ADRA1A: variants seen among roughly 807,000 people sequenced by gnomAD.
The protein encoded by ADRA1A is adrenoceptor alpha 1A.
In ADRA1A, 31 loss-of-function variants were observed where a neutral mutation model predicts 29.6. The ratio of observed to expected loss-of-function variants is 1.05; its 90% CI spans 0.79 to 1.41. The LOEUF is 1.41. ADRA1A is among the 40% of genes most tolerant of loss of function. ADRA1A has a pLI of 0.00. For missense variants in ADRA1A, 619 were observed against 601.1 expected, an observed-to-expected ratio of 1.03 and a Z score of -0.31; for synonymous variants, 311 against 254.3, an observed-to-expected ratio of 1.22 and a Z score of -2.12.
chr8:26,767,654 C>A (rs1805864555), downstream of ADRA1A, among the ~76,000 whole-genome samples: 1 of 152,102 alleles, frequency 6.6e-6, no homozygotes, highest in Admixed American at 6.5e-5. Context: ...GGCATTAGGG[C>A]CAGATTTCCT....
chr8:26,773,589 C>T lies in ADRA1A; in HGVS notation c.884-2923G>A, dbSNP rs115762800. Reference sequence around the variant, plus strand: ...GTAAATCAGCGAGGGAGGGGAGGGTCGTTTCCTTATTTGAAGAATTTCAAT... The same window carrying T: ...GTAAATCAGCGAGGGAGGGGAGGGTTGTTTCCTTATTTGAAGAATTTCAAT... On this transcript the variant is annotated intron_variant, in intron 2 of 2. Transcript: ENST00000380573. 2.1e-3 allele frequency among the ~76,000 whole-genome samples: 316 copies of T among 151,830 alleles called. 2 individuals carry two copies. The highest frequency in any genetic ancestry group is 7.4e-3 in the African/African-American group (305 of 41,374).
chr8:26,812,331 C>G (rs183575736), intron 2 of ADRA1A, among the ~76,000 whole-genome samples: 205 of 152,260 alleles, frequency 1.3e-3, no homozygotes, highest in Middle Eastern at 3.4e-3. Flanking sequence ...CTCATAACCA[C>G]TCAGAAAATT....
At chr8:26,795,218 A>G (rs929857406) in intron 2 of ADRA1A, among the ~76,000 whole-genome samples, 1 of 152,228 alleles carries the variant, frequency 6.6e-6, no homozygotes, top group Middle Eastern at 3.4e-3. Flanking sequence ...AAGAGACTGC[A>G]GTATCGTGTC....
chr8:26,809,721 A>G (rs1458496335), intron 2 of ADRA1A, among the ~76,000 whole-genome samples: 1 of 152,232 alleles, frequency 6.6e-6, no homozygotes, highest in Non-Finnish European at 1.5e-5. Flanking sequence ...TACAAATGGA[A>G]TGGTTTCTTC....
At position 26,805,634 on chromosome 8, in the gene ADRA1A, A is replaced by G. The variant is rs956909495; in HGVS notation, c.884-34968T>C. On this transcript the variant is annotated intron_variant, in intron 2 of 2. Transcript: ENST00000380573. This position sits in a 1 kb window ranked among gnomAD's most constrained non-coding sequence, Gnocchi z 4.8. ...CTTGCCCAAGGCCATGGAACAAGTG[A>G]GAGATGGAACTGGATTTGAACTCTG... is the stretch of plus-strand genomic sequence containing the variant. Among the ~76,000 whole-genome samples the G allele has an allele frequency of 2.0e-5, 3 of 152,210 alleles. No individual in the cohort carries two copies. The highest frequency in any genetic ancestry group is 7.2e-5 in the African/African-American group (3 of 41,460).
At chr8:26,755,716 A>G (rs953160174), downstream of ADRA1A, among the ~76,000 whole-genome samples, 1 of 152,138 alleles carries the variant, frequency 6.6e-6, no homozygotes, top group African/African-American at 2.4e-5. Flanking sequence ...CTGTATTACC[A>G]TCACAGGTGC....
chr8:26,767,762 G>C (rs371063530), downstream of ADRA1A, among the ~76,000 whole-genome samples: 2 of 151,656 alleles, frequency 1.3e-5, no homozygotes, highest in Non-Finnish European at 2.9e-5. Context: ...GAAGAAAAAC[G>C]ATAATCATTC....
chr8:26,792,089 G>A (rs948608953), intron 2 of ADRA1A, among the ~76,000 whole-genome samples: 2 of 152,090 alleles, frequency 1.3e-5, no homozygotes, highest in African/African-American at 2.4e-5. Context: ...GCTGGCTGAT[G>A]AATAAATGCC....
In ADRA1A at chr8:26,815,962, T is replaced by A. The variant is rs1038589675; in HGVS notation, c.884-45296A>T. ...GGGAGGGGGCGTGTCCAGGTGCTGC[T>A]GGTTGCTTTATCATGAGCCTTGAAA... is the stretch of plus-strand genomic sequence containing the variant. On this transcript the variant is annotated intron_variant, in intron 2 of 2. Coordinates refer to ENST00000380573, the MANE Select transcript of ADRA1A (RefSeq NM_000680.4). The surrounding 1 kb of genome is among the most constrained non-coding windows in gnomAD (Gnocchi z 4.2). 5.3e-5 allele frequency among the ~76,000 whole-genome samples: 8 copies of A among 152,188 alleles called. No individual in the cohort carries two copies. Among genetic ancestry groups the A allele is most frequent in the Admixed American group, 3.3e-4 (5 of 15,280 alleles).
chr8:26,797,547 C>T lies in ADRA1A; in HGVS notation c.884-26881G>A, dbSNP rs565162859. ...CTCCTGAACTCAAGTGATCCTCCAGCGTTGGCGTCCCAAAGTGCTGAGATT... is the reference window on the plus strand; with the variant it reads ...CTCCTGAACTCAAGTGATCCTCCAGTGTTGGCGTCCCAAAGTGCTGAGATT... On this transcript the variant is annotated intron_variant, in intron 2 of 2. Transcript: ENST00000380573. Among the ~76,000 whole-genome samples the T allele has an allele frequency of 2.1e-4, 32 of 152,168 alleles. No homozygotes were observed. The South Asian group carries it at 3.7e-3, about 18-fold the overall frequency.
At chr8:26,857,166 G>A (rs1394226868) in intron 2 of ADRA1A, among the ~76,000 whole-genome samples, 1 of 152,138 alleles carries the variant, frequency 6.6e-6, no homozygotes, top group Admixed American at 6.5e-5. Flanking sequence ...CTTTCTTGGG[G>A]GAGAGCTGCC....
chr8:26,755,390 AAG>A (rs1001211199), downstream of ADRA1A, among the ~76,000 whole-genome samples: 1 of 152,148 alleles, frequency 6.6e-6, no homozygotes, highest in African/African-American at 2.4e-5. Flanking sequence ...GCTTAAAAAA[AAG>A]AGTGAGAAGA....
chr8:26,818,451 G>A (rs544311359), intron 2 of ADRA1A, among the ~76,000 whole-genome samples: 1 of 152,100 alleles, frequency 6.6e-6, no homozygotes, highest in Admixed American at 6.5e-5. Context: ...AACTGCACTT[G>A]CTGCTTCCTA....
Position 26,865,187 on chromosome 8 carries a change from G to A in ADRA1A, c.-218C>T. 7.1e-7 allele frequency: 1 copy of A among 1,405,316 alleles called. No individual in the cohort carries two copies. Among genetic ancestry groups the A allele is most frequent in the Non-Finnish European group, 9.2e-7 (1 of 1,082,618 alleles). The allele number at this position is 1,405,316 out of a possible 1,614,324, so 87.1% of individuals were successfully genotyped here. A position where few individuals can be genotyped will look rare whatever the true frequency, so the allele number is the denominator to read the frequency against. On this transcript the variant is annotated 5_prime_UTR_variant, in exon 2 of 3. Coordinates refer to ENST00000380573, the MANE Select transcript of ADRA1A (RefSeq NM_000680.4). The surrounding 1 kb of genome is among the most constrained non-coding windows in gnomAD (Gnocchi z 7.6). The stretch of plus-strand genomic sequence containing the variant: ...CCACATGAAGGGGCAGGGCATTAAA[G>A]ACATGGCCAGGGGCGCGCGGGGCTG...
At chr8:26,836,615 G>A (rs1174119029) in intron 2 of ADRA1A, among the ~76,000 whole-genome samples, 1 of 152,220 alleles carries the variant, frequency 6.6e-6, no homozygotes, top group Non-Finnish European at 1.5e-5. Flanking sequence ...GAAGAGACGT[G>A]TAGCGAGTTA....
chr8:26,815,985 A>ATAC lies in ADRA1A; in HGVS notation c.884-45320_884-45319insGTA, dbSNP rs1809727584. Among the ~76,000 whole-genome samples, 1 of 152,138 alleles carries ATAC rather than the reference A, an allele frequency of 6.6e-6. No homozygotes were observed. The highest frequency in any genetic ancestry group is 1.5e-5 in the Non-Finnish European group (1 of 68,032). The stretch of plus-strand genomic sequence containing the variant: ...GCTGGTTGCTTTATCATGAGCCTTG[A>ATAC]AAAGTCGCTGGTTCCATGGCAGCTG... On this transcript the variant is annotated intron_variant, in intron 2 of 2. Coordinates refer to ENST00000380573, the MANE Select transcript of ADRA1A (RefSeq NM_000680.4). The surrounding 1 kb of genome is among the most constrained non-coding windows in gnomAD (Gnocchi z 4.2).
intron 2 of ADRA1A, among the ~76,000 whole-genome samples, chr8:26,819,729 T>G (rs1810022859): frequency 1.3e-5 from 2 of 152,122 alleles, no homozygotes; most frequent in Non-Finnish European, 2.9e-5. Context: ...TAAAAATTAA[T>G]AAATTGGCAA....
chr8:26,843,938 T>G (rs1212583075), intron 2 of ADRA1A, among the ~76,000 whole-genome samples: 1 of 152,252 alleles, frequency 6.6e-6, no homozygotes, highest in Non-Finnish European at 1.5e-5. Flanking sequence ...AAGCAAGTTA[T>G]GATTATTTGT....
chr8:26,781,260 C>T (rs894388717), intron 2 of ADRA1A, among the ~76,000 whole-genome samples: 11 of 152,200 alleles, frequency 7.2e-5, no homozygotes, highest in African/African-American at 2.4e-4. Flanking sequence ...ATCCTCAACA[C>T]TCATAATGGT....
Sources: allele counts gnomAD v4.1 joint callset (sites outside exome capture counted in the v4.1 genomes callset), GRCh38; gene constraint gnomAD v4.1.1; non-coding constraint Gnocchi (gnomAD v3.1); transcripts MANE v1.5; gene names NCBI Gene and HGNC (gene_info 2026-07-23, HGNC 2026-07-21).